Variants in PRKACG observed in about 807,000 individuals in gnomAD.
The protein encoded by PRKACG is protein kinase cAMP-activated catalytic subunit gamma.
Under a neutral mutation model 25.6 loss-of-function variants are expected in PRKACG, and 24 were observed. The ratio of observed to expected loss-of-function variants is 0.94; its 90% confidence interval spans 0.68 to 1.32. PRKACG has a LOEUF of 1.32. Ranked by LOEUF, PRKACG falls within the 40% of genes most tolerant of loss-of-function variation. The pLI is 0.00. For missense variants in PRKACG, 481 were observed against 462.9 expected, an observed-to-expected ratio of 1.04 and a Z score of -0.36; for synonymous variants, 202 against 195.9, an observed-to-expected ratio of 1.03 and a Z score of -0.26.
At position 69,012,902 on chromosome 9, in the gene PRKACG, C is replaced by A; in HGVS notation, c.*135G>T. ...ATATCTGGGCTTCCTGCTCCCCCAA[C>A]CCTGGAGGGTGGGGTGAGGATGAAA... On this transcript the variant is annotated 3_prime_UTR_variant, in exon 1 of 1. Coordinates refer to ENST00000377276, the MANE Select transcript of PRKACG (RefSeq NM_002732.4). 1.1e-6 allele frequency: 1 copy of A among 872,248 alleles called. No individual in the cohort carries two copies. The highest frequency in any genetic ancestry group is 2.9e-5 in the Admixed American group (1 of 35,014). 54.0% of individuals were successfully genotyped at this position (872,248 alleles called of 1,614,324 possible).
Position 69,014,002 on chromosome 9 carries a change from A to T in PRKACG, c.91T>A (p.Trp31Arg), listed in dbSNP as rs1211961462. ...GCGGTGTTTTGAGCGGGGTTTCCCC[A>T]TCTGTAGAGGAAATCTCCTCTGGCT... is the stretch of plus-strand genomic sequence containing the variant. ...AKARGDFLYR[W>R]GNPAQNTASS... Residue 31 changes from tryptophan to arginine, a missense_variant, in exon 1 of 1, where the codon TGG (tryptophan) becomes AGG (arginine). Transcript: ENST00000377276. 1 of 1,613,568 alleles carries T rather than the reference A, an allele frequency of 6.2e-7. No homozygotes were observed. The highest frequency in any genetic ancestry group is 1.7e-5 in the Admixed American group (1 of 60,004).
At position 69,012,816 on chromosome 9, in the gene PRKACG, C is replaced by G. The variant is rs1831286727; in HGVS notation, c.*221G>C. The G allele has an allele frequency of 3.6e-6, 2 of 555,306 alleles. No homozygotes were observed. Among genetic ancestry groups the G allele is most frequent in the South Asian group, 4.6e-5 (2 of 43,414 alleles). The allele number at this position is 555,306 out of a possible 1,614,324, so 34.4% of individuals were successfully genotyped here. A position where few individuals can be genotyped will look rare whatever the true frequency, so the allele number is the denominator to read the frequency against. ...CTGTGGGAGGAGAAAGAGAGAAGCA[C>G]AGAGGGACCAGGAAGGCATGGGGGG... On this transcript the variant is annotated 3_prime_UTR_variant, in exon 1 of 1. Coordinates refer to ENST00000377276, the MANE Select transcript of PRKACG (RefSeq NM_002732.4).
chr9:69,012,952 C>A lies in PRKACG; in HGVS notation c.*85G>T. The A allele has an allele frequency of 2.9e-6, 4 of 1,376,750 alleles. No individual in the cohort carries two copies. Among genetic ancestry groups the A allele is most frequent in the Non-Finnish European group, 3.9e-6 (4 of 1,013,898 alleles). The allele number at this position is 1,376,750 out of a possible 1,614,324, so 85.3% of individuals were successfully genotyped here. A position where few individuals can be genotyped will look rare whatever the true frequency, so the allele number is the denominator to read the frequency against. On this transcript the variant is annotated 3_prime_UTR_variant, in exon 1 of 1. Coordinates refer to ENST00000377276, the MANE Select transcript of PRKACG (RefSeq NM_002732.4). Reference sequence around the variant, plus strand: ...ATTAGATACAAGGAACTCTGGGGCCCTCTGGCTGTTCAATCCAACCCTCCC... The same window carrying A: ...ATTAGATACAAGGAACTCTGGGGCCATCTGGCTGTTCAATCCAACCCTCCC...
chr9:69,012,934 A>G lies in PRKACG; in HGVS notation c.*103T>C. 8.5e-7 allele frequency: 1 copy of G among 1,176,452 alleles called. No individual in the cohort carries two copies. The allele number at this position is 1,176,452 out of a possible 1,614,324, so 72.9% of individuals were successfully genotyped here. ...GGGTGGGGTGAGGATGAAATTAGAT[A>G]CAAGGAACTCTGGGGCCCTCTGGCT... On this transcript the variant is annotated 3_prime_UTR_variant, in exon 1 of 1. Coordinates refer to ENST00000377276, the MANE Select transcript of PRKACG (RefSeq NM_002732.4).
chr9:69,013,206 T>C lies in PRKACG; in HGVS notation c.887A>G (p.Lys296Arg), dbSNP rs146127115. 2.7e-4 allele frequency: 441 copies of C among 1,613,982 alleles called. No individual in the cohort carries two copies. The highest frequency in any genetic ancestry group is 3.5e-4 in the Non-Finnish European group (416 of 1,180,018). Reference sequence around the variant, plus strand: ...GATCCAGCTGGTTGTGGCGAACCACTTGTGGTTCTTGATGTCGCCAACCCC... The same window carrying C: ...GATCCAGCTGGTTGTGGCGAACCACCTGTGGTTCTTGATGTCGCCAACCCC... ...RNGVGDIKNH[K>R]WFATTSWIAI... is the part of the protein sequence containing the mutation. The change falls in exon 1 of 1, where the codon AAG (lysine) becomes AGG (arginine). Residue 296 changes from lysine (K) to arginine (R), a missense_variant. Lys to Arg is a conservative substitution (Grantham distance 26, BLOSUM62 2). Coordinates refer to ENST00000377276, the MANE Select transcript of PRKACG (RefSeq NM_002732.4).
Position 69,013,415 on chromosome 9 carries a change from C to T in PRKACG, c.678G>A (p.Gly226=). 6.2e-7 allele frequency: 1 copy of T among 1,613,586 alleles called. No homozygotes were observed. Among genetic ancestry groups the T allele is most frequent in the East Asian group, 2.2e-5 (1 of 44,844 alleles). ...CCACGGCCATCTCATAGATGAGCAC[C>T]CCTAGGGCCCACCAGTCCACGGCCT... ...YNKAVDWWAL[G]VLIYEMAVGF... The change falls in exon 1 of 1, where the codon GGG becomes GGA. Residue 226 remains glycine (G), a synonymous_variant. Transcript: ENST00000377276.
At position 69,012,808 on chromosome 9, in the gene PRKACG, G is replaced by C. The variant is rs1831286652; in HGVS notation, c.*229C>G. The C allele has an allele frequency of 1.8e-6, 1 of 546,884 alleles. No individual in the cohort carries two copies. Among genetic ancestry groups the C allele is most frequent in the Non-Finnish European group, 3.2e-6 (1 of 309,580 alleles). 33.9% of individuals were successfully genotyped at this position (546,884 alleles called of 1,614,324 possible). On this transcript the variant is annotated 3_prime_UTR_variant, in exon 1 of 1. Transcript: ENST00000377276. ...GGGGGACCCTGTGGGAGGAGAAAGA[G>C]AGAAGCACAGAGGGACCAGGAAGGC... is the stretch of plus-strand genomic sequence containing the variant.
Position 69,013,623 on chromosome 9 carries a change from T to A in PRKACG, c.470A>T (p.Tyr157Phe). Reference sequence around the variant, plus strand: ...GTGGATGAGGTCGAGCGAGTGTAGGTACTGGACGGCCAGGACGACCTGGGC... The same window carrying A: ...GTGGATGAGGTCGAGCGAGTGTAGGAACTGGACGGCCAGGACGACCTGGGC... ...YAAQVVLAVQ[Y>F]LHSLDLIHRD... The change falls in exon 1 of 1, where the codon TAC (tyrosine) becomes TTC (phenylalanine). Residue 157 changes from tyrosine to phenylalanine, a missense_variant. Transcript: ENST00000377276. 6 of 1,613,318 alleles carry A rather than the reference T, an allele frequency of 3.7e-6. No individual in the cohort carries two copies. Among genetic ancestry groups the A allele is most frequent in the Non-Finnish European group, 5.1e-6 (6 of 1,179,724 alleles).
In PRKACG at chr9:69,013,607, G is replaced by A; in HGVS notation, c.486C>T (p.Asp162=). The change falls in exon 1 of 1, where the codon GAC becomes GAT. Residue 162 remains aspartate, a synonymous_variant. Coordinates refer to ENST00000377276, the MANE Select transcript of PRKACG (RefSeq NM_002732.4). The part of the protein sequence containing the change: ...VLAVQYLHSL[D]LIHRDLKPEN... ...CGGGCTTCAGGTCGCGGTGGATGAGGTCGAGCGAGTGTAGGTACTGGACGG... is the reference window on the plus strand; with the variant it reads ...CGGGCTTCAGGTCGCGGTGGATGAGATCGAGCGAGTGTAGGTACTGGACGG... The A allele has an allele frequency of 6.2e-7, 1 of 1,613,148 alleles. No homozygotes were observed. The highest frequency in any genetic ancestry group is 8.5e-7 in the Non-Finnish European group (1 of 1,179,572).
rs1024195430 is a variant in PRKACG at position 69,012,839 on chromosome 9, G to A, written c.*198C>T. 3.8e-6 allele frequency: 2 copies of A among 528,680 alleles called. No homozygotes were observed. Among genetic ancestry groups the A allele is most frequent in the African/African-American group, 3.1e-5 (1 of 32,254 alleles). The allele number at this position is 528,680 out of a possible 1,614,324, so 32.7% of individuals were successfully genotyped here. ...CACAGAGGGACCAGGAAGGCATGGGGGGGGGTGAGGGAGCAGCTGGTGTTT... is the reference window on the plus strand; with the variant it reads ...CACAGAGGGACCAGGAAGGCATGGGAGGGGGTGAGGGAGCAGCTGGTGTTT... On this transcript the variant is annotated 3_prime_UTR_variant, in exon 1 of 1. Transcript: ENST00000377276.
rs775968800 is a variant in PRKACG, at chr9:69,013,672, C to T, written c.421G>A (p.Glu141Lys). The T allele has an allele frequency of 6.2e-7, 1 of 1,614,022 alleles. No homozygotes were observed. Among genetic ancestry groups the T allele is most frequent in the South Asian group, 1.1e-5 (1 of 91,070 alleles). Reference sequence around the variant, plus strand: ...GCGGCATAGAAACAGGCATGGGGCTCGCTAAACCTTCCGACGCGCTGTAGG... The same window carrying T: ...GCGGCATAGAAACAGGCATGGGGCTTGCTAAACCTTCCGACGCGCTGTAGG... ...SRLQRVGRFS[E>K]PHACFYAAQV... Residue 141 changes from glutamate (E) to lysine (K), a missense_variant, in exon 1 of 1, where the codon GAG becomes AAG. Physicochemically the swap from Glu to Lys is moderately conservative, Grantham distance 56. Transcript: ENST00000377276.
chr9:69,013,167 T>C lies in PRKACG; in HGVS notation c.926A>G (p.Lys309Arg), dbSNP rs112974235. 1.6e-4 allele frequency: 266 copies of C among 1,614,160 alleles called. No homozygotes were observed. The African/African-American group carries it at 2.8e-3, about 17-fold the overall frequency. The change falls in exon 1 of 1, where the codon AAG (lysine) becomes AGG (arginine). Residue 309 changes from lysine (K) to arginine (R), a missense_variant. Lys to Arg is a conservative substitution (Grantham distance 26, BLOSUM62 2). Coordinates refer to ENST00000377276, the MANE Select transcript of PRKACG (RefSeq NM_002732.4). Reference protein sequence around the residue: ...ATTSWIAIYEKKVEAPFIPKY... With the variant: ...ATTSWIAIYERKVEAPFIPKY... ...CGGGATGAAGGGAGCTTCCACCTTC[T>C]TCTCATAGATGGCGATCCAGCTGGT...
Position 69,013,012 on chromosome 9 carries a change from A to T in PRKACG, c.*25T>A, listed in dbSNP as rs2133071267. The T allele has an allele frequency of 6.3e-7, 1 of 1,589,598 alleles. No individual in the cohort carries two copies. ...ACCACCAAAAACAAAAAGGAAAGAAAACCCACAGGGGCACAAGCACACCCC... is the reference window on the plus strand; with the variant it reads ...ACCACCAAAAACAAAAAGGAAAGAATACCCACAGGGGCACAAGCACACCCC... On this transcript the variant is annotated 3_prime_UTR_variant, in exon 1 of 1. Coordinates refer to ENST00000377276, the MANE Select transcript of PRKACG (RefSeq NM_002732.4).
At position 69,013,595 on chromosome 9, in the gene PRKACG, G is replaced by A. The variant is rs1831298857; in HGVS notation, c.498C>T (p.Arg166=). The A allele has an allele frequency of 6.2e-7, 1 of 1,613,118 alleles. No homozygotes were observed. The highest frequency in any genetic ancestry group is 8.5e-7 in the Non-Finnish European group (1 of 1,179,556). The change falls in exon 1 of 1, where the codon CGC becomes CGT. Residue 166 remains arginine (R), a synonymous_variant. Transcript: ENST00000377276. ...TGAGGAGATTCTCGGGCTTCAGGTC[G>A]CGGTGGATGAGGTCGAGCGAGTGTA... is the stretch of plus-strand genomic sequence containing the variant. The part of the protein sequence containing the change: ...QYLHSLDLIH[R]DLKPENLLID...
Position 69,013,535 on chromosome 9 carries a change from G to GA in PRKACG, c.557dup (p.Gly187ArgfsTer45). The GA allele has an allele frequency of 6.2e-7, 1 of 1,614,026 alleles. No individual in the cohort carries two copies. Among genetic ancestry groups the GA allele is most frequent in the South Asian group, 1.1e-5 (1 of 91,058 alleles). ...GGCCCTTCACGCGCTTGGCGAAACCGAAGTCCGTCACCTGCAGGTAGCCCT... is the reference window on the plus strand; with the variant it reads ...GGCCCTTCACGCGCTTGGCGAAACCGAAAGTCCGTCACCTGCAGGTAGCCCT... On this transcript the variant is annotated frameshift_variant, in exon 1 of 1. Transcript: ENST00000377276. LOFTEE classifies it high-confidence loss of function.
rs554378612 is a variant in PRKACG, at chr9:69,012,935, C to T, written c.*102G>A. ...GGTGGGGTGAGGATGAAATTAGATA[C>T]AAGGAACTCTGGGGCCCTCTGGCTG... On this transcript the variant is annotated 3_prime_UTR_variant, in exon 1 of 1. Coordinates refer to ENST00000377276, the MANE Select transcript of PRKACG (RefSeq NM_002732.4). 8.4e-5 allele frequency: 101 copies of T among 1,200,476 alleles called. No homozygotes were observed. The South Asian group carries it at 1.5e-3, about 17-fold the overall frequency. The allele number at this position is 1,200,476 out of a possible 1,614,324, so 74.4% of individuals were successfully genotyped here. A position where few individuals can be genotyped will look rare whatever the true frequency, so the allele number is the denominator to read the frequency against.
At position 69,013,036 on chromosome 9, in the gene PRKACG, C is replaced by CCTAAAACTCAGAAAACTCCTTGG; in HGVS notation, c.1034_1056dup. 6.2e-7 allele frequency: 1 copy of CCTAAAACTCAGAAAACTCCTTGG among 1,612,918 alleles called. No individual in the cohort carries two copies. The highest frequency in any genetic ancestry group is 8.5e-7 in the Non-Finnish European group (1 of 1,179,524). On this transcript the variant is annotated 3_prime_UTR_variant, in exon 1 of 1. Transcript: ENST00000377276. ...AAACCCACAGGGGCACAAGCACACC[C>CCTAAAACTCAGAAAACTCCTTGG]CTAAAACTCAGAAAACTCCTTGGCA...
At position 69,013,349 on chromosome 9, in the gene PRKACG, G is replaced by A. The variant is rs1442445030; in HGVS notation, c.744C>T (p.Tyr248=). The A allele has an allele frequency of 1.2e-6, 2 of 1,614,086 alleles. No homozygotes were observed. Among genetic ancestry groups the A allele is most frequent in the East Asian group, 2.2e-5 (1 of 44,864 alleles). The change falls in exon 1 of 1, where the codon TAC becomes TAT. Residue 248 remains tyrosine, a synonymous_variant. Coordinates refer to ENST00000377276, the MANE Select transcript of PRKACG (RefSeq NM_002732.4). ...GCACCCTCCCAGAGACGATCTTCTC[G>A]TAGATCTGGATGGGCTGGTCGGCGT... is the stretch of plus-strand genomic sequence containing the variant. ...PFYADQPIQI[Y]EKIVSGRVRF... is the part of the protein sequence containing the mutation.
rs3812538 is a variant in PRKACG, at chr9:69,012,840, G to C, written c.*197C>G. On this transcript the variant is annotated 3_prime_UTR_variant, in exon 1 of 1. Transcript: ENST00000377276. ...ACAGAGGGACCAGGAAGGCATGGGG[G>C]GGGGTGAGGGAGCAGCTGGTGTTTC... The C allele has an allele frequency of 0.079, 45,507 of 572,552 alleles. 2,707 individuals are homozygous for C. Among genetic ancestry groups the C allele is most frequent in the East Asian group, 0.26 (9,147 of 34,938 alleles). 35.5% of individuals were successfully genotyped at this position (572,552 alleles called of 1,614,324 possible).
Sources: gnomAD v4.1 joint callset for allele counts on GRCh38, gnomAD v4.1.1 for gene constraint, MANE v1.5 for transcripts, NCBI Gene and HGNC (gene_info 2026-07-23, HGNC 2026-07-21) for gene names.